The following ANK2 variants were observed in gnomAD, a reference collection of about 807,000 sequenced individuals.
The protein encoded by ANK2 is ankyrin 2.
A neutral mutation model predicts 360.5 loss-of-function variants in ANK2; 83 were observed. The observed-to-expected ratio is 0.23, with a 90% CI of 0.19 to 0.28. ANK2 has a LOEUF of 0.28. ANK2 is among the 10% of genes least tolerant of loss of function. ANK2 has a pLI of 1.00. For synonymous variants in ANK2, 1,740 were observed against 1,759.5 expected (o/e 0.99, Z 0.28); for missense variants, 4,201 against 4,795.7 (o/e 0.88, Z 3.66).
chr4:113,241,379 C>G (rs945088430), intron 8 of ANK2, among the ~76,000 whole-genome samples: 1 of 151,974 alleles, frequency 6.6e-6, no homozygotes, highest in Non-Finnish European at 1.5e-5. Context: ...GCTCTGTTGC[C>G]CAGGGTGGAG....
intron 1 of ANK2, among the ~76,000 whole-genome samples, chr4:112,880,046 ACT>A (rs1328384026): frequency 6.9e-6 from 1 of 145,762 alleles, no homozygotes; most frequent in East Asian, 2.0e-4. Context: ...GGACACAGAC[ACT>A]CACACACACA....
chr4:112,917,361 G>A (rs1415288119), intron 2 of ANK2, among the ~76,000 whole-genome samples: 4 of 152,108 alleles, frequency 2.6e-5, no homozygotes, highest in Non-Finnish European at 5.9e-5. Flanking sequence ...TTAAGATTTT[G>A]CTTTATAACT....
chr4:113,298,733 G>A (rs1338148963), intron 22 of ANK2, among the ~76,000 whole-genome samples: 1 of 152,012 alleles, frequency 6.6e-6, no homozygotes, highest in African/African-American at 2.4e-5. Flanking sequence ...TTCTAATCTT[G>A]ACCATAGTAT....
Position 113,196,372 on chromosome 4 carries a change from G to A in ANK2, c.191G>A (p.Gly64Glu). 6.2e-7 allele frequency: 1 copy of A among 1,613,246 alleles called. No individual in the cohort carries two copies. Among genetic ancestry groups the A allele is most frequent in the Non-Finnish European group, 8.5e-7 (1 of 1,179,736 alleles). Reference protein sequence around the residue: ...GIDINTCNQNGLNALHLAAKE... With the variant: ...GIDINTCNQNELNALHLAAKE... Reference sequence around the variant, plus strand: ...CTTGTTTGTTTCTTCTCTCAGAATGGACTCAACGCTCTCCATCTGGCTGCC... The same window carrying A: ...CTTGTTTGTTTCTTCTCTCAGAATGAACTCAACGCTCTCCATCTGGCTGCC... The change falls in exon 3 of 46, where the codon GGA (glycine) becomes GAA (glutamate). Residue 64 changes from glycine to glutamate, a missense_variant. Gly to Glu is a moderately conservative substitution (Grantham distance 98, BLOSUM62 -2). Coordinates refer to ENST00000357077, the MANE Select transcript of ANK2 (RefSeq NM_001148.6).
At chr4:113,025,628 T>C (rs1409411727) in intron 2 of ANK2, among the ~76,000 whole-genome samples, 1 of 152,192 alleles carries the variant, frequency 6.6e-6, no homozygotes, top group African/African-American at 2.4e-5. Flanking sequence ...ACTCTCTCCA[T>C]ATGCAGTTGT....
At chr4:112,846,184 C>T (rs772548851) in intron 1 of ANK2, among the ~76,000 whole-genome samples, 4 of 151,942 alleles carry the variant, frequency 2.6e-5, no homozygotes, top group Non-Finnish European at 5.9e-5. Flanking sequence ...GGCACAATTA[C>T]GGCTCACTGC....
chr4:113,372,391 A>G (rs2096771198), intron 43 of ANK2: 2 of 576,744 alleles, frequency 3.5e-6, no homozygotes, highest in Non-Finnish European at 6.1e-6. Context: ...ACCAGCACGT[A>G]TTTGTTTTCA....
intron 20 of ANK2, among the ~76,000 whole-genome samples, chr4:113,290,171 G>GTT (rs60417827): frequency 3.6e-5 from 4 of 110,078 alleles, no homozygotes; most frequent in African/African-American, 6.8e-5. Flanking sequence ...AGTTTTTTTT[G>GTT]TTTTTTTTTT....
At chr4:113,345,781 T>G in intron 34 of ANK2, 119 bp from the exon 35 acceptor site, 1 of 1,349,724 alleles carries the variant, frequency 7.4e-7, no homozygotes, top group Non-Finnish European at 1.0e-6. Context: ...AAGGAAATCC[T>G]TTGAGTTCTT....
chr4:113,373,653 C>T, intron 45 of ANK2: 1 of 760,462 alleles, frequency 1.3e-6, no homozygotes, highest in Non-Finnish European at 2.4e-6. Context: ...AGGCATTATA[C>T]TCATTGTTTT....
At chr4:112,826,836 G>A (rs2058514105) in intron 1 of ANK2, 2 of 1,296,982 alleles carry the variant, frequency 1.5e-6, no homozygotes, top group Non-Finnish European at 1.1e-6. Context: ...AAAAGAGAAT[G>A]GAACAATATG....
the ANK2 span, among the ~76,000 whole-genome samples, chr4:112,713,538 T>C: frequency 6.6e-6 from 1 of 151,534 alleles, no homozygotes; most frequent in Non-Finnish European, 1.5e-5. Flanking sequence ...CATTGCACTT[T>C]AGCCTGGGCA....
chr4:113,061,773 G>A (rs909606795), intron 1 of ANK2, among the ~76,000 whole-genome samples: 4 of 151,992 alleles, frequency 2.6e-5, no homozygotes, highest in African/African-American at 9.7e-5. Context: ...AGAATGAATA[G>A]GATGTAGTAT....
the ANK2 span, among the ~76,000 whole-genome samples, chr4:112,729,615 G>A: frequency 3.3e-5 from 5 of 152,078 alleles, no homozygotes; most frequent in African/African-American, 1.2e-4. Context: ...GGGCATGGTG[G>A]TGCATGCCTG....
rs533430113 is a variant in ANK2 at position 113,281,861 on chromosome 4, AAGC to A, written c.1882-808_1882-806del. On this transcript the variant is annotated intron_variant, in intron 17 of 45. Transcript: ENST00000357077. Reference sequence around the variant, plus strand: ...AAGTAGCCTCATATTTGTACTTTCAAAGCAGCAGGTTATAAAGAAGGGGAGATC... The same window carrying A: ...AAGTAGCCTCATATTTGTACTTTCAAAGCAGGTTATAAAGAAGGGGAGATC... Among the ~76,000 whole-genome samples the A allele has an allele frequency of 1.4e-4, 22 of 152,300 alleles. 2 individuals carry two copies. The South Asian group carries it at 3.9e-3, about 27-fold the overall frequency.
chr4:112,931,880 A>G (rs2093277111), intron 2 of ANK2, among the ~76,000 whole-genome samples: 1 of 152,252 alleles, frequency 6.6e-6, no homozygotes, highest in African/African-American at 2.4e-5. Flanking sequence ...ACATGAAATC[A>G]AACAATAAAA....
intron 26 of ANK2, 32 bp from the exon 27 acceptor site, chr4:113,330,214 A>G: frequency 6.3e-7 from 1 of 1,592,818 alleles, no homozygotes; most frequent in Non-Finnish European, 8.6e-7. Context: ...CAATATTTCA[A>G]AACATATCTA....
chr4:113,360,140 G>C (rs1564075876), intron 38 of ANK2, among the ~76,000 whole-genome samples: 1 of 152,078 alleles, frequency 6.6e-6, no homozygotes, highest in African/African-American at 2.4e-5. Context: ...TCAATCAGTG[G>C]GAGTTAAACA....
the ANK2 span, among the ~76,000 whole-genome samples, chr4:112,709,323 G>A: frequency 1.8e-3 from 277 of 152,294 alleles, 2 homozygotes; most frequent in Non-Finnish European, 2.9e-3. Context: ...AAGAAAAGAT[G>A]AAGAAATGGT....
Sources: gnomAD v4.1 joint callset for allele counts (sites outside exome capture counted in the v4.1 genomes callset) on GRCh38, gnomAD v4.1.1 for gene constraint, MANE v1.5 for transcripts, NCBI Gene and HGNC (gene_info 2026-07-23, HGNC 2026-07-21) for gene names.